Variants in ATF7IP2 observed in about 807,000 individuals in gnomAD.
ATF7IP2 encodes the protein activating transcription factor 7-interacting protein 2.
In ATF7IP2, 42 loss-of-function variants were observed where a neutral mutation model predicts 64.2. The observed-to-expected ratio is 0.65, with a 90% CI of 0.51 to 0.85. The LOEUF (loss-of-function observed/expected upper bound fraction) is 0.85. Among genes scored for constraint, ATF7IP2 ranks in the 40% least tolerant of loss-of-function variants. ATF7IP2 has a pLI of 0.00. For synonymous variants in ATF7IP2, 308 were observed against 272.8 expected, an observed-to-expected ratio of 1.13 and a Z score of -1.27; for missense variants, 933 against 784.2, an observed-to-expected ratio of 1.19 and a Z score of -2.27.
chr16:10,465,650 AATTGC>A (rs912427644), intron 9 of ATF7IP2, among the ~76,000 whole-genome samples: 5 of 149,634 alleles, frequency 3.3e-5, no homozygotes, highest in African/African-American at 1.2e-4. Flanking sequence ...GAGGCAGGAG[AATTGC>A]TTGAACCTGG....
chr16:10,410,431 G>C (rs2047735670), intron 1 of ATF7IP2, among the ~76,000 whole-genome samples: 1 of 152,058 alleles, frequency 6.6e-6, no homozygotes. Flanking sequence ...TTCTCAGCTT[G>C]GTTGCTGCTG....
intron 8 of ATF7IP2, among the ~76,000 whole-genome samples, chr16:10,451,832 A>T (rs549895425): frequency 6.6e-6 from 1 of 152,102 alleles, no homozygotes; most frequent in South Asian, 2.1e-4. Context: ...GTCGAGATGG[A>T]CACAAGGTCA....
chr16:10,421,872 C>T (rs1056326913), intron 3 of ATF7IP2, among the ~76,000 whole-genome samples: 12 of 152,192 alleles, frequency 7.9e-5, no homozygotes, highest in South Asian at 2.1e-4. Flanking sequence ...GGTTGTTTAC[C>T]GCAGGAATTG....
intron 1 of ATF7IP2, among the ~76,000 whole-genome samples, chr16:10,408,693 T>C (rs1156881095): frequency 6.6e-6 from 1 of 152,160 alleles, no homozygotes; most frequent in Non-Finnish European, 1.5e-5. Flanking sequence ...TTATTTGTTT[T>C]TTTTCTTGCT....
rs1305959448 is a variant in ATF7IP2, at chr16:10,430,853, A to G, written c.233A>G (p.Asp78Gly). The change falls in exon 5 of 14, where the codon GAC (aspartate) becomes GGC (glycine). Residue 78 changes from aspartate to glycine, a missense_variant. Coordinates refer to ENST00000562102, the MANE Select transcript of ATF7IP2 (RefSeq NM_001393719.1). ...TCTGAAAATGGTGCATCCTCATTGG[A>G]CTCTAATAAAAATTCAATATCAGAG... is the stretch of plus-strand genomic sequence containing the variant. ...SPSENGASSLDSNKNSISEKS... is the reference protein window; with the variant it reads ...SPSENGASSLGSNKNSISEKS... 1 of 1,613,822 alleles carries G rather than the reference A, an allele frequency of 6.2e-7. No individual in the cohort carries two copies. The highest frequency in any genetic ancestry group is 1.1e-5 in the South Asian group (1 of 91,078).
At chr16:10,460,289 T>TA (rs2049330792) in intron 9 of ATF7IP2, among the ~76,000 whole-genome samples, 1 of 152,146 alleles carries the variant, frequency 6.6e-6, no homozygotes, top group East Asian at 1.9e-4. Flanking sequence ...ATTAAAAAGA[T>TA]ATATGGTGTG....
Position 10,399,849 on chromosome 16 carries a change from A to G in ATF7IP2, c.-242+13727A>G, listed in dbSNP as rs533735018. 2.0e-5 allele frequency among the ~76,000 whole-genome samples: 3 copies of G among 152,264 alleles called. No homozygotes were observed. In the South Asian group the frequency reaches 6.2e-4, roughly 32 times the overall value. ...GGATATTTTTCCATTTGTGTCAGCT[A>G]CAATTTCTTTTGTCAGTGTTTTATA... On this transcript the variant is annotated intron_variant, in intron 1 of 13. Transcript: ENST00000562102.
intron 8 of ATF7IP2, among the ~76,000 whole-genome samples, chr16:10,444,257 T>G (rs982706789): frequency 5.9e-5 from 9 of 152,118 alleles, no homozygotes; most frequent in African/African-American, 9.7e-5. Flanking sequence ...AATATTAGTT[T>G]GGAAGGTGTT....
chr16:10,481,572 T>C (rs895705913), intron 13 of ATF7IP2, among the ~76,000 whole-genome samples: 2 of 152,134 alleles, frequency 1.3e-5, no homozygotes, highest in South Asian at 4.1e-4. Flanking sequence ...ATTAGTATAG[T>C]GTTTGAGAGC....
At chr16:10,479,641 TAAAGTA>T in intron 12 of ATF7IP2, among the ~76,000 whole-genome samples, 1 of 151,352 alleles carries the variant, frequency 6.6e-6, no homozygotes, top group East Asian at 1.9e-4. Flanking sequence ...CCCTAAAACT[TAAAGTA>T]TAATAATAAT....
At chr16:10,429,914 G>A (rs752675669) in intron 4 of ATF7IP2, among the ~76,000 whole-genome samples, 19 of 148,568 alleles carry the variant, frequency 1.3e-4, no homozygotes, top group Admixed American at 6.8e-4. Flanking sequence ...GTACAGTGGC[G>A]CGATGTTGGC....
chr16:10,406,864 C>T (rs2047650711), intron 1 of ATF7IP2, among the ~76,000 whole-genome samples: 1 of 152,200 alleles, frequency 6.6e-6, no homozygotes. Flanking sequence ...CTACTGAAAT[C>T]ATTTTGAAAA....
intron 1 of ATF7IP2, among the ~76,000 whole-genome samples, chr16:10,411,520 G>A (rs1596458595): frequency 6.6e-6 from 1 of 152,044 alleles, no homozygotes; most frequent in African/African-American, 2.4e-5. Context: ...ACAGGCGTGT[G>A]CCACCATTCC....
intron 8 of ATF7IP2, chr16:10,448,724 C>T (rs1567476788): frequency 6.6e-6 from 1 of 152,104 alleles, no homozygotes; most frequent in Non-Finnish European, 1.5e-5. Flanking sequence ...GTAGATATTT[C>T]TAAATCTAAA....
At chr16:10,400,390 G>C (rs749310584) in intron 1 of ATF7IP2, among the ~76,000 whole-genome samples, 2 of 152,134 alleles carry the variant, frequency 1.3e-5, no homozygotes, top group Non-Finnish European at 2.9e-5. Flanking sequence ...TAAATTAAGA[G>C]TTTTTTGGAA....
At position 10,400,707 on chromosome 16, in the gene ATF7IP2, G is replaced by C. The variant is rs578090058; in HGVS notation, c.-241-13867G>C. 3.4e-3 allele frequency among the ~76,000 whole-genome samples: 523 copies of C among 152,270 alleles called. 3 individuals are homozygous for C. Among genetic ancestry groups the C allele is most frequent in the Non-Finnish European group, 6.1e-3 (415 of 68,014 alleles). On this transcript the variant is annotated intron_variant, in intron 1 of 13. Transcript: ENST00000562102. ...TGCGTGTGTGTGTTTTTTTGAGACA[G>C]AGTCTTGCTCTGTTGCCAGGTTGGA...
At chr16:10,464,862 T>A (rs1363891720) in intron 9 of ATF7IP2, among the ~76,000 whole-genome samples, 1 of 152,200 alleles carries the variant, frequency 6.6e-6, no homozygotes, top group Non-Finnish European at 1.5e-5. Flanking sequence ...GGAGTTTCGC[T>A]CTTGTTATCC....
At chr16:10,479,058 G>C (rs1448050146) in intron 12 of ATF7IP2, among the ~76,000 whole-genome samples, 1 of 150,928 alleles carries the variant, frequency 6.6e-6, no homozygotes, top group Admixed American at 6.6e-5. Context: ...TGGTGGGACT[G>C]TAAACTAGTT....
At chr16:10,434,566 C>G (rs944171456) in intron 6 of ATF7IP2, among the ~76,000 whole-genome samples, 2 of 152,074 alleles carry the variant, frequency 1.3e-5, no homozygotes, top group Middle Eastern at 3.2e-3. Flanking sequence ...TTACGCAGAA[C>G]CAGCTTAAAG....
Sources: gnomAD v4.1 joint callset for allele counts (sites outside exome capture counted in the v4.1 genomes callset) on GRCh38, gnomAD v4.1.1 for gene constraint, MANE v1.5 for transcripts, NCBI Gene and HGNC (gene_info 2026-07-23, HGNC 2026-07-21) for gene names.